MEPE: variants seen among roughly 807,000 people sequenced by gnomAD.
The protein encoded by MEPE is matrix, extracellular phosphoglycoprotein with ASARM motif (bone).
In MEPE, 7 loss-of-function variants were observed where a neutral mutation model predicts 7.3. The ratio of observed to expected loss-of-function variants is 0.95; its 90% CI spans 0.54 to 1.79. MEPE has a LOEUF of 1.79. Among genes scored for constraint, MEPE ranks in the 40% most tolerant of loss-of-function variants. The pLI is 0.00. For missense variants in MEPE, 623 were observed against 628.2 expected, an observed-to-expected ratio of 0.99 and a Z score of 0.09; for synonymous variants, 214 against 213.1, an observed-to-expected ratio of 1.00 and a Z score of -0.04.
At chr4:87,826,475 G>A (rs1284703843) in intron 1 of MEPE, among the ~76,000 whole-genome samples, 3 of 151,274 alleles carry the variant, frequency 2.0e-5, no homozygotes, top group Non-Finnish European at 2.9e-5. Context: ...TCTTGACCTC[G>A]TGATCTGCTA....
chr4:87,823,054 C>T (rs536746229), intron 1 of MEPE, among the ~76,000 whole-genome samples: 201 of 152,276 alleles, frequency 1.3e-3, no homozygotes, highest in African/African-American at 4.7e-3. Flanking sequence ...ATTGAGTGTC[C>T]TGGACGTTTC....
At chr4:87,826,043 T>A (rs1001667392) in intron 1 of MEPE, among the ~76,000 whole-genome samples, 1 of 152,162 alleles carries the variant, frequency 6.6e-6, no homozygotes, top group South Asian at 2.1e-4. Context: ...CTGCATAGTA[T>A]TCCATGGTGT....
rs1202533428 is a variant in MEPE, at chr4:87,845,521, A to C, written c.653A>C (p.His218Pro). ...VKSKSTHRIQ[H>P]NIDYLKHLSK... ...AGCAAAAGCACCCATCGTATTCAACACAACATTGACTACCTAAAACATCTC... is the reference window on the plus strand; with the variant it reads ...AGCAAAAGCACCCATCGTATTCAACCCAACATTGACTACCTAAAACATCTC... The change falls in exon 4 of 4, where the codon CAC (histidine) becomes CCC (proline). Residue 218 changes from histidine (H) to proline (P), a missense_variant. Transcript: ENST00000361056. The C allele has an allele frequency of 1.2e-6, 2 of 1,612,980 alleles. No homozygotes were observed. Among genetic ancestry groups the C allele is most frequent in the Non-Finnish European group, 8.5e-7 (1 of 1,179,770 alleles).
chr4:87,843,983 G>A (rs1039263104), intron 3 of MEPE, among the ~76,000 whole-genome samples: 6 of 152,174 alleles, frequency 3.9e-5, no homozygotes, highest in Non-Finnish European at 8.8e-5. Flanking sequence ...CCATAGCTTA[G>A]GATTCACTTA....
At chr4:87,840,639 G>C (rs1722979343) in intron 3 of MEPE, among the ~76,000 whole-genome samples, 2 of 152,056 alleles carry the variant, frequency 1.3e-5, no homozygotes, top group South Asian at 4.2e-4. Context: ...GAAACAAAAG[G>C]CACTTACAAA....
Position 87,843,361 on chromosome 4 carries a change from G to A in MEPE, c.109-1616G>A, listed in dbSNP as rs1476663508. On this transcript the variant is annotated intron_variant, in intron 3 of 3. Coordinates refer to ENST00000361056, the MANE Select transcript of MEPE (RefSeq NM_020203.6). ...TCTGTTTGTCTGTGCAGACCTAATT[G>A]GATATGATGTCTCTGCCTCACAGAC... Among the ~76,000 whole-genome samples the A allele has an allele frequency of 2.0e-5, 3 of 152,060 alleles. No individual in the cohort carries two copies. In the South Asian group the frequency reaches 6.2e-4, roughly 31 times the overall value.
At chr4:87,840,100 T>C in intron 3 of MEPE, 1 of 1,522,318 alleles carries the variant, frequency 6.6e-7, no homozygotes, top group African/African-American at 1.4e-5. Flanking sequence ...ACATTTGGTG[T>C]TTTATAAGAA....
upstream of MEPE, among the ~76,000 whole-genome samples, chr4:87,828,372 C>T (rs538147606): frequency 2.2e-4 from 34 of 152,002 alleles, no homozygotes; most frequent in Non-Finnish European, 3.4e-4. Context: ...TTAGTTAGAA[C>T]ATATGGAAAA....
At chr4:87,822,360 G>T (rs1228315848) in intron 1 of MEPE, among the ~76,000 whole-genome samples, 1 of 152,064 alleles carries the variant, frequency 6.6e-6, no homozygotes, top group Non-Finnish European at 1.5e-5. Flanking sequence ...CCCAAGTGCA[G>T]ACTCCCAGGA....
chr4:87,846,319 G>A lies in MEPE; in HGVS notation c.1451G>A (p.Gly484Asp). The A allele has an allele frequency of 6.2e-7, 1 of 1,614,080 alleles. No individual in the cohort carries two copies. Among genetic ancestry groups the A allele is most frequent in the Non-Finnish European group, 8.5e-7 (1 of 1,179,962 alleles). ...CAAAATAATTCTACACGGAATAAGG[G>A]TATGCCACAAGGGAAAGGCTCCTGG... ...HRQNNSTRNK[G>D]MPQGKGSWGR... The change falls in exon 4 of 4, where the codon GGT becomes GAT. Residue 484 changes from glycine to aspartate, a missense_variant. Transcript: ENST00000361056.
chr4:87,838,325 G>A (rs560320459), intron 2 of MEPE, among the ~76,000 whole-genome samples: 23 of 152,202 alleles, frequency 1.5e-4, no homozygotes, highest in South Asian at 2.1e-4. Context: ...AAGCTCCTTC[G>A]TCTGGGGTGC....
chr4:87,841,094 C>T (rs572111870), intron 3 of MEPE, among the ~76,000 whole-genome samples: 2 of 152,258 alleles, frequency 1.3e-5, no homozygotes, highest in East Asian at 3.9e-4. Flanking sequence ...TAATAAAATG[C>T]ACACAATTCA....
At position 87,823,719 on chromosome 4, in the gene MEPE, T is replaced by C. The variant is rs575325958; in HGVS notation, c.-13+2248T>C. Among the ~76,000 whole-genome samples, 3 of 152,206 alleles carry C rather than the reference T, an allele frequency of 2.0e-5. No individual in the cohort carries two copies. In the South Asian group the frequency reaches 6.2e-4, roughly 32 times the overall value. ...CTCTTTGAATGATGAGGAGAACAAA[T>C]AGTGGAAGTGTGAGAAAGGCAGAAA... On this transcript the variant is annotated intron_variant, in intron 1 of 3. Coordinates refer to the MEPE transcript ENST00000424957.
At chr4:87,839,698 G>A (rs921000351) in intron 3 of MEPE, 2 of 1,549,606 alleles carry the variant, frequency 1.3e-6, no homozygotes, top group South Asian at 1.2e-5. Flanking sequence ...ACATACAAGG[G>A]TCACTATGAG....
intron 3 of MEPE, among the ~76,000 whole-genome samples, chr4:87,842,343 C>G (rs541648188): frequency 9.2e-5 from 14 of 152,336 alleles, no homozygotes; most frequent in Admixed American, 7.2e-4. Context: ...CTCTTTTTCT[C>G]TCCATCAGGG....
rs750770333 is a variant in MEPE, at chr4:87,846,469, G to A, written c.*23G>A. 4 of 1,596,688 alleles carry A rather than the reference G, an allele frequency of 2.5e-6. No homozygotes were observed. Among genetic ancestry groups the A allele is most frequent in the South Asian group, 2.3e-5 (2 of 87,844 alleles). The stretch of plus-strand genomic sequence containing the variant: ...TAGTCCACCAGGAGTTCCCAGCGGG[G>A]TGACAGTCTGAAGACCTCGTCACCT... On this transcript the variant is annotated 3_prime_UTR_variant, in exon 4 of 4. Transcript: ENST00000361056.
rs998952916 is a variant in MEPE at position 87,845,486 on chromosome 4, T to A, written c.618T>A (p.Ser206Arg). The A allele has an allele frequency of 3.1e-6, 5 of 1,613,246 alleles. No individual in the cohort carries two copies. The highest frequency in any genetic ancestry group is 3.4e-6 in the Non-Finnish European group (4 of 1,179,794). The change falls in exon 4 of 4, where the codon AGT becomes AGA. Residue 206 changes from serine to arginine, a missense_variant. Physicochemically the swap from Ser to Arg is moderately radical, Grantham distance 110 (BLOSUM62 -1). Coordinates refer to ENST00000361056, the MANE Select transcript of MEPE (RefSeq NM_020203.6). ...AAAGAGATTCCCAAGCCCAGAAAAGTCCAGTAAAAAGCAAAAGCACCCATC... is the reference window on the plus strand; with the variant it reads ...AAAGAGATTCCCAAGCCCAGAAAAGACCAGTAAAAAGCAAAAGCACCCATC... ...KPQRDSQAQK[S>R]PVKSKSTHRI...
At chr4:87,825,853 A>G (rs138111511) in intron 1 of MEPE, among the ~76,000 whole-genome samples, 41 of 152,164 alleles carry the variant, frequency 2.7e-4, no homozygotes, top group African/African-American at 9.2e-4. Flanking sequence ...CCCACCTCCA[A>G]CAGGCCCCAG....
At chr4:87,842,956 T>C (rs930477702) in intron 3 of MEPE, among the ~76,000 whole-genome samples, 1 of 152,208 alleles carries the variant, frequency 6.6e-6, no homozygotes, top group Non-Finnish European at 1.5e-5. Context: ...TAACTGTATA[T>C]TGCTTTCTGA....
Sources: gnomAD v4.1 joint callset for allele counts (sites outside exome capture counted in the v4.1 genomes callset) on GRCh38, gnomAD v4.1.1 for gene constraint, MANE v1.5 for transcripts, NCBI Gene and HGNC (gene_info 2026-07-23, HGNC 2026-07-21) for gene names.